Variants in PHF24 observed in about 807,000 individuals in gnomAD.
The protein encoded by PHF24 is Galpha inhibitory interacting protein.
A neutral mutation model predicts 42.6 loss-of-function variants in PHF24; 25 were observed. The observed-to-expected ratio is 0.59, with a 90% CI of 0.43 to 0.82. PHF24 has a LOEUF of 0.82. PHF24 is among the 40% of genes least tolerant of loss of function. The probability of loss-of-function intolerance (pLI) is 0.00; values close to 1 mark genes in which losing one functional copy is unlikely to be tolerated. For missense variants in PHF24, 470 were observed against 538.1 expected, an observed-to-expected ratio of 0.87 and a Z score of 1.25; for synonymous variants, 185 against 204.8, an observed-to-expected ratio of 0.90 and a Z score of 0.83.
chr9:34,914,497 C>G, the PHF24 span, among the ~76,000 whole-genome samples: 1 of 152,042 alleles, frequency 6.6e-6, no homozygotes, highest in Non-Finnish European at 1.5e-5. Context: ...GTCTCTATAT[C>G]TATCGTCTTC....
chr9:34,968,342 T>C (rs1345017828), intron 1 of PHF24, among the ~76,000 whole-genome samples: 1 of 152,254 alleles, frequency 6.6e-6, no homozygotes, highest in East Asian at 1.9e-4. Context: ...AATTACAATT[T>C]ATTCTTAGTT....
At chr9:34,816,022 G>A in the PHF24 span, among the ~76,000 whole-genome samples, 1 of 151,886 alleles carries the variant, frequency 6.6e-6, no homozygotes, top group Non-Finnish European at 1.5e-5. Context: ...TAAAAAATGA[G>A]GGGGTTTAAA....
At chr9:34,909,865 G>T in the PHF24 span, among the ~76,000 whole-genome samples, 1 of 152,124 alleles carries the variant, frequency 6.6e-6, no homozygotes, top group Non-Finnish European at 1.5e-5. Flanking sequence ...CTGACCTCGT[G>T]ATCTGCCCGC....
At chr9:34,971,088 T>C (rs1036017056) in intron 1 of PHF24, among the ~76,000 whole-genome samples, 9 of 151,940 alleles carry the variant, frequency 5.9e-5, no homozygotes, top group Admixed American at 6.6e-5. Context: ...TCATCTCTAA[T>C]AAATAAATTA....
chr9:34,744,451 C>T, the PHF24 span, among the ~76,000 whole-genome samples: 1 of 152,160 alleles, frequency 6.6e-6, no homozygotes, highest in Non-Finnish European at 1.5e-5. Flanking sequence ...CAACCTGGCT[C>T]AGTGCTGCAT....
At chr9:34,931,184 G>A in the PHF24 span, among the ~76,000 whole-genome samples, 2 of 151,998 alleles carry the variant, frequency 1.3e-5, no homozygotes, top group Non-Finnish European at 2.9e-5. Context: ...GGACCATCCT[G>A]GCTAACATGG....
At chr9:34,840,675 C>T in the PHF24 span, among the ~76,000 whole-genome samples, 2 of 151,940 alleles carry the variant, frequency 1.3e-5, no homozygotes, top group African/African-American at 4.8e-5. Context: ...TGAGCCCCCC[C>T]AGATGCTAGG....
At chr9:34,726,711 C>G in the PHF24 span, 1 of 1,551,520 alleles carries the variant, frequency 6.4e-7, no homozygotes, top group Admixed American at 2.0e-5. Flanking sequence ...GATTTCTGAT[C>G]TGTTAATTGT....
the PHF24 span, among the ~76,000 whole-genome samples, chr9:34,886,760 C>CTGTA: frequency 2.0e-5 from 3 of 151,550 alleles, no homozygotes; most frequent in African/African-American, 7.3e-5. Context: ...ATCTATCTGT[C>CTGTA]TGTCTGTCTG....
At chr9:34,879,931 T>C in the PHF24 span, among the ~76,000 whole-genome samples, 2 of 151,802 alleles carry the variant, frequency 1.3e-5, no homozygotes. Flanking sequence ...AAGGAAAAAA[T>C]ATTAAGGGTA....
chr9:34,837,765 G>T, the PHF24 span: 1 of 1,057,142 alleles, frequency 9.5e-7, no homozygotes, highest in South Asian at 1.4e-5. Context: ...TCCAAAATGA[G>T]ACTTACATTT....
chr9:34,906,643 CA>C, the PHF24 span, among the ~76,000 whole-genome samples: 5,138 of 66,086 alleles, frequency 0.078, 213 homozygotes, highest in African/African-American at 0.24. Context: ...GACTCCATCT[CA>C]AAAAAAAAAA....
At chr9:34,723,284 G>A in the PHF24 span, 2 of 1,551,780 alleles carry the variant, frequency 1.3e-6, no homozygotes, top group African/African-American at 1.4e-5. Flanking sequence ...ACAGTGACGA[G>A]GGCAGTGGCG....
chr9:34,680,699 T>A, the PHF24 span, among the ~76,000 whole-genome samples: 6,097 of 58,792 alleles, frequency 0.1, 200 homozygotes, highest in South Asian at 0.17. Flanking sequence ...AAAAAAAAAA[T>A]AAATAAATAA....
the PHF24 span, among the ~76,000 whole-genome samples, chr9:34,690,633 A>G: frequency 1.3e-5 from 2 of 151,602 alleles, no homozygotes; most frequent in Middle Eastern, 6.8e-3. Flanking sequence ...GATCACCCCA[A>G]CCTCTCTCCC....
At chr9:34,809,596 A>C in the PHF24 span, among the ~76,000 whole-genome samples, 2 of 152,222 alleles carry the variant, frequency 1.3e-5, no homozygotes, top group African/African-American at 2.4e-5. The surrounding 1 kb of genome is among the most constrained non-coding windows in gnomAD (Gnocchi z 4.1). Context: ...AGAGTGTCCG[A>C]ATGCCAGCGT....
the PHF24 span, among the ~76,000 whole-genome samples, chr9:34,777,135 C>T: frequency 6.6e-6 from 1 of 152,074 alleles, no homozygotes; most frequent in Non-Finnish European, 1.5e-5. Flanking sequence ...TTCTTGGGCC[C>T]CAGGGTGGTA....
the PHF24 span, among the ~76,000 whole-genome samples, chr9:34,883,626 A>G: frequency 2.6e-5 from 4 of 152,262 alleles, no homozygotes; most frequent in African/African-American, 7.2e-5. Context: ...GCTCATCATC[A>G]CTGGCCATCA....
the PHF24 span, among the ~76,000 whole-genome samples, chr9:34,827,601 C>G: frequency 6.6e-6 from 1 of 152,120 alleles, no homozygotes; most frequent in African/African-American, 2.4e-5. Flanking sequence ...CCTTAGGAAC[C>G]AGGGGCATCC....
Sources: gnomAD v4.1 joint callset for allele counts (sites outside exome capture counted in the v4.1 genomes callset) on GRCh38, gnomAD v4.1.1 for gene constraint, Gnocchi (gnomAD v3.1) non-coding constraint, MANE v1.5 for transcripts, NCBI Gene and HGNC (gene_info 2026-07-23, HGNC 2026-07-21) for gene names.